Variants in ZNF148 observed in about 807,000 individuals in gnomAD.
ZNF148 encodes the protein zinc finger protein 148.
In ZNF148, 7 loss-of-function variants were observed where a neutral mutation model predicts 67.7. The ratio of observed to expected loss-of-function variants is 0.10; its 90% CI spans 0.06 to 0.19. The LOEUF (loss-of-function observed/expected upper bound fraction) is 0.19. Among genes scored for constraint, ZNF148 ranks in the 10% least tolerant of loss-of-function variants. The probability of loss-of-function intolerance (pLI) is 1.00; values close to 1 mark genes in which losing one functional copy is unlikely to be tolerated. For synonymous variants in ZNF148, 333 were observed against 330.7 expected (o/e 1.01, Z -0.08); for missense variants, 583 against 947.1 (o/e 0.62, Z 5.05).
chr3:125,326,362 A>T (rs570017274), intron 2 of ZNF148, among the ~76,000 whole-genome samples: 31 of 152,278 alleles, frequency 2.0e-4, no homozygotes, highest in African/African-American at 7.2e-4. Flanking sequence ...TGTATATTAC[A>T]ATAGCAGTAC....
chr3:125,329,537 T>C (rs756471117), intron 2 of ZNF148, among the ~76,000 whole-genome samples: 4 of 151,618 alleles, frequency 2.6e-5, no homozygotes, highest in Non-Finnish European at 5.9e-5. Context: ...TTTGTATTTT[T>C]AGTATAGCTG....
chr3:125,270,190 G>A (rs1022741522), intron 7 of ZNF148, among the ~76,000 whole-genome samples: 3 of 152,142 alleles, frequency 2.0e-5, no homozygotes, highest in South Asian at 2.1e-4. Context: ...AGTAAACTGA[G>A]TATATTTTCT....
chr3:125,251,694 T>C (rs1477789504), intron 7 of ZNF148, among the ~76,000 whole-genome samples: 3 of 152,256 alleles, frequency 2.0e-5, no homozygotes, highest in Admixed American at 6.5e-5. Flanking sequence ...AATTGATTCA[T>C]TGTGGTAGAT....
At chr3:125,330,744 G>A (rs547734147) in intron 2 of ZNF148, among the ~76,000 whole-genome samples, 2 of 152,136 alleles carry the variant, frequency 1.3e-5, no homozygotes, top group East Asian at 3.9e-4. Flanking sequence ...ATGTGCCACT[G>A]ACATATATGT....
chr3:125,333,023 T>C (rs1323075992), intron 1 of ZNF148, among the ~76,000 whole-genome samples: 1 of 152,232 alleles, frequency 6.6e-6, no homozygotes, highest in African/African-American at 2.4e-5. Context: ...CTTCACATTA[T>C]GCATTTTAAC....
chr3:125,248,113 G>A (rs1313748725), intron 7 of ZNF148, among the ~76,000 whole-genome samples: 1 of 152,166 alleles, frequency 6.6e-6, no homozygotes, highest in African/African-American at 2.4e-5. Context: ...AGCAACAGCA[G>A]TTACTGTAAA....
chr3:125,355,743 T>C lies in ZNF148; in HGVS notation c.-234+19359A>G, dbSNP rs62273078. Reference sequence around the variant, plus strand: ...TCTCTATTTAAAAAAAAAAAAAAATTGCAACTCACATACTAGAAAAAGGTA... The same window carrying C: ...TCTCTATTTAAAAAAAAAAAAAAATCGCAACTCACATACTAGAAAAAGGTA... On this transcript the variant is annotated intron_variant, in intron 1 of 8. Coordinates refer to ENST00000360647, the MANE Select transcript of ZNF148 (RefSeq NM_021964.3). Among the ~76,000 whole-genome samples the C allele has an allele frequency of 8.9e-4, 134 of 149,968 alleles. 1 individual carries two copies. Among genetic ancestry groups the C allele is most frequent in the African/African-American group, 3.2e-3 (131 of 40,746 alleles).
intron 7 of ZNF148, among the ~76,000 whole-genome samples, chr3:125,235,708 C>T: frequency 6.6e-6 from 1 of 151,888 alleles, no homozygotes; most frequent in Non-Finnish European, 1.5e-5. Context: ...CCCAAATGTC[C>T]AACAACGATA....
At chr3:125,247,444 CT>C (rs34643582) in intron 7 of ZNF148, among the ~76,000 whole-genome samples, 3 of 149,280 alleles carry the variant, frequency 2.0e-5, no homozygotes, top group African/African-American at 2.5e-5. Context: ...AGCAGGAAAA[CT>C]TTTTTTTTTG....
intron 7 of ZNF148, among the ~76,000 whole-genome samples, chr3:125,238,953 C>A (rs2107523325): frequency 6.6e-6 from 1 of 152,248 alleles, no homozygotes; most frequent in East Asian, 1.9e-4. Context: ...ATGATACATA[C>A]TACAACATGA....
At chr3:125,295,432 G>A (rs1343715109) in intron 4 of ZNF148, among the ~76,000 whole-genome samples, 3 of 148,952 alleles carry the variant, frequency 2.0e-5, no homozygotes, top group Middle Eastern at 3.5e-3. Flanking sequence ...CAGCCTGGGC[G>A]ACAGAGTGAG....
intron 7 of ZNF148, among the ~76,000 whole-genome samples, chr3:125,241,614 C>T (rs1423661275): frequency 6.6e-6 from 1 of 152,040 alleles, no homozygotes; most frequent in Non-Finnish European, 1.5e-5. Flanking sequence ...TTTCTGACAG[C>T]GGATGTTATT....
At chr3:125,310,614 A>T (rs1940152816) in intron 4 of ZNF148, among the ~76,000 whole-genome samples, 1 of 152,146 alleles carries the variant, frequency 6.6e-6, no homozygotes, top group South Asian at 2.1e-4. Context: ...AAATTAGAGC[A>T]GAAATAAATG....
At chr3:125,242,381 G>C (rs911510680) in intron 7 of ZNF148, among the ~76,000 whole-genome samples, 1 of 152,210 alleles carries the variant, frequency 6.6e-6, no homozygotes, top group Non-Finnish European at 1.5e-5. Flanking sequence ...AGCACTCTTG[G>C]AGGCCGAGGC....
intron 2 of ZNF148, among the ~76,000 whole-genome samples, chr3:125,325,077 G>A (rs141276215): frequency 2.7e-4 from 41 of 152,200 alleles, no homozygotes; most frequent in African/African-American, 9.9e-4. Flanking sequence ...TTATACATAT[G>A]TTAAATATGT....
chr3:125,368,720 G>A (rs1292510889), intron 1 of ZNF148, among the ~76,000 whole-genome samples: 1 of 151,998 alleles, frequency 6.6e-6, no homozygotes, highest in African/African-American at 2.4e-5. Flanking sequence ...CAAGGTGAGT[G>A]GATCACTTGA....
chr3:125,281,788 A>G (rs768532612), intron 5 of ZNF148, among the ~76,000 whole-genome samples: 6 of 152,186 alleles, frequency 3.9e-5, no homozygotes, highest in Non-Finnish European at 5.9e-5. Flanking sequence ...TTTAAGTTCA[A>G]AGACAGAAAC....
intron 1 of ZNF148, among the ~76,000 whole-genome samples, chr3:125,360,616 C>T (rs925146315): frequency 6.6e-6 from 1 of 152,050 alleles, no homozygotes; most frequent in Non-Finnish European, 1.5e-5. Context: ...TCCACCTCAT[C>T]TTTTGTTTCC....
At chr3:125,337,939 A>C (rs1310438108) in intron 1 of ZNF148, among the ~76,000 whole-genome samples, 2 of 149,578 alleles carry the variant, frequency 1.3e-5, no homozygotes, top group Non-Finnish European at 3.0e-5. Context: ...CCAGCTCTAC[A>C]AAAAAAAAAA....
Sources: allele counts gnomAD v4.1 joint callset (sites outside exome capture counted in the v4.1 genomes callset), GRCh38; gene constraint gnomAD v4.1.1; transcripts MANE v1.5; gene names NCBI Gene and HGNC (gene_info 2026-07-23, HGNC 2026-07-21).